Variants in DAB1 observed in about 807,000 individuals in gnomAD.
DAB1 encodes the protein disabled homolog 1.
DAB1 carries 15 observed loss-of-function variants against 64.6 expected under a neutral mutation model. The ratio of observed to expected loss-of-function variants is 0.23; its 90% CI spans 0.16 to 0.36. DAB1 has a LOEUF of 0.36. DAB1 is among the 10% of genes least tolerant of loss of function. The pLI, the probability that DAB1 is intolerant of heterozygous loss-of-function variation, is 1.00. For missense variants in DAB1, 596 were observed against 706.7 expected (o/e 0.84, Z 1.78); for synonymous variants, 235 against 251.9 (o/e 0.93, Z 0.64).
chr1:57,620,070 A>G (rs1322362005), intron 7 of DAB1, among the ~76,000 whole-genome samples: 1 of 152,122 alleles, frequency 6.6e-6, no homozygotes, highest in Non-Finnish European at 1.5e-5. Context: ...CCTGCTTCCA[A>G]CAGGGATCCA....
intron 6 of DAB1, among the ~76,000 whole-genome samples, chr1:57,657,083 C>T (rs1437221400): frequency 6.6e-6 from 1 of 152,170 alleles, no homozygotes; most frequent in African/African-American, 2.4e-5. Context: ...CTTAGAACCC[C>T]AGCATCTCTG....
chr1:57,332,590 T>C (rs1432786078), intron 1 of DAB1, among the ~76,000 whole-genome samples: 1 of 152,178 alleles, frequency 6.6e-6, no homozygotes, highest in African/African-American at 2.4e-5. Flanking sequence ...CTACAATCAG[T>C]CTTCCAATGA....
chr1:58,103,470 C>A (rs1651447158), intron 5 of DAB1, among the ~76,000 whole-genome samples: 1 of 152,014 alleles, frequency 6.6e-6, no homozygotes, highest in African/African-American at 2.4e-5. Flanking sequence ...GGTTGTGGTT[C>A]AATGAAGTCT....
rs541884180 is a variant in DAB1 at position 58,188,275 on chromosome 1, G to A, written n.310-37687C>T. Among the ~76,000 whole-genome samples, 8 of 152,316 alleles carry A rather than the reference G, an allele frequency of 5.3e-5. No individual in the cohort carries two copies. The South Asian group carries it at 1.2e-3, about 24-fold the overall frequency. On this transcript the variant is annotated intron_variant and non_coding_transcript_variant, in intron 4 of 20. Transcript: ENST00000485760. ...AAAGAATATGTGACAGAGATCATAC[G>A]CGGCTAGTATTCAAAGCCTAAAATA...
intron 5 of DAB1, among the ~76,000 whole-genome samples, chr1:58,088,644 T>G (rs1393519096): frequency 6.6e-6 from 1 of 152,182 alleles, no homozygotes; most frequent in African/African-American, 2.4e-5. Flanking sequence ...ACTAACTTTC[T>G]CAGTGGGAAG....
At chr1:57,940,450 T>C (rs1645086989) in intron 5 of DAB1, among the ~76,000 whole-genome samples, 1 of 152,192 alleles carries the variant, frequency 6.6e-6, no homozygotes, top group Admixed American at 6.5e-5. Context: ...GAGGTTCAAA[T>C]AAGTTAAGTG....
chr1:57,010,869 A>T, intron 13 of DAB1, 79 bp from the exon 14 acceptor site: 1 of 1,094,880 alleles, frequency 9.1e-7, no homozygotes, highest in Admixed American at 2.5e-5. Context: ...ATATACTTTC[A>T]TGCAGCACAA....
chr1:57,006,311 T>C (rs975911402), intron 14 of DAB1, among the ~76,000 whole-genome samples: 5 of 152,190 alleles, frequency 3.3e-5, no homozygotes, highest in Admixed American at 2.6e-4. Flanking sequence ...CATGGGCACC[T>C]TGAGTTCAGT....
intron 1 of DAB1, among the ~76,000 whole-genome samples, chr1:57,416,427 T>C (rs1684501185): frequency 6.6e-6 from 1 of 152,184 alleles, no homozygotes; most frequent in Non-Finnish European, 1.5e-5. Context: ...CATTACAATT[T>C]TAAAATTTCC....
intron 7 of DAB1, among the ~76,000 whole-genome samples, chr1:57,471,728 G>A (rs995416465): frequency 7.2e-5 from 11 of 152,192 alleles, no homozygotes; most frequent in African/African-American, 2.4e-4. Flanking sequence ...GGAACTGTAA[G>A]TCCATTAAAC....
intron 7 of DAB1, among the ~76,000 whole-genome samples, chr1:57,449,518 C>G (rs553029276): frequency 1.3e-5 from 2 of 151,780 alleles, no homozygotes; most frequent in Non-Finnish European, 2.9e-5. Flanking sequence ...GTAGGTGGTA[C>G]TACAGGTGCA....
intron 5 of DAB1, among the ~76,000 whole-genome samples, chr1:58,131,290 C>T (rs1342617972): frequency 7.1e-6 from 1 of 140,374 alleles, no homozygotes; most frequent in Non-Finnish European, 1.6e-5. Flanking sequence ...AGTTCTCGAG[C>T]CTTGGTTTTC....
intron 1 of DAB1, among the ~76,000 whole-genome samples, chr1:57,842,816 T>G (rs1467637925): frequency 6.6e-6 from 1 of 152,196 alleles, no homozygotes; most frequent in Non-Finnish European, 1.5e-5. Context: ...GAGATTTGGG[T>G]GGGGACACAG....
chr1:58,300,590 A>C (rs1179008973), intron 4 of DAB1, among the ~76,000 whole-genome samples: 7 of 30,172 alleles, frequency 2.3e-4, no homozygotes, highest in African/African-American at 5.8e-4. Context: ...GAAAGAAAGA[A>C]AGAAAGAAAG....
chr1:57,299,969 C>G (rs1258404601), intron 1 of DAB1, among the ~76,000 whole-genome samples: 2 of 152,060 alleles, frequency 1.3e-5, no homozygotes, highest in Non-Finnish European at 2.9e-5. Flanking sequence ...TACTCTTCTC[C>G]CACCTCCCCT....
intron 5 of DAB1, among the ~76,000 whole-genome samples, chr1:57,992,764 C>G (rs1286814913): frequency 6.6e-6 from 1 of 151,910 alleles, no homozygotes; most frequent in Non-Finnish European, 1.5e-5. Context: ...TACCATGTAT[C>G]TAGATGCTGT....
chr1:57,615,699 A>AG (rs201918216), intron 7 of DAB1, among the ~76,000 whole-genome samples: 1,933 of 20,886 alleles, frequency 0.093, 59 homozygotes, highest in African/African-American at 0.13. Flanking sequence ...ATTGAGTCAA[A>AG]GAAAAAAAAG....
At chr1:58,468,863 T>C (rs1645324706) in intron 3 of DAB1, 1 of 201,156 alleles carries the variant, frequency 5.0e-6, no homozygotes, top group Non-Finnish European at 8.9e-6. Flanking sequence ...AGCTGGAGCA[T>C]TTGTCAGTCA....
At chr1:57,151,682 A>C (rs1436945134) in intron 2 of DAB1, among the ~76,000 whole-genome samples, 3 of 151,848 alleles carry the variant, frequency 2.0e-5, no homozygotes, top group Non-Finnish European at 4.4e-5. Flanking sequence ...ATAATCTCTT[A>C]AATATTTTTA....
Sources: gnomAD v4.1 joint callset for allele counts (sites outside exome capture counted in the v4.1 genomes callset) on GRCh38, gnomAD v4.1.1 for gene constraint, MANE v1.5 for transcripts, NCBI Gene and HGNC (gene_info 2026-07-23, HGNC 2026-07-21) for gene names.